PACRG: variants seen among roughly 807,000 people sequenced by gnomAD.
The protein encoded by PACRG is parkin coregulated.
Under a neutral mutation model 29.7 loss-of-function variants are expected in PACRG, and 29 were observed. The observed-to-expected ratio is 0.98, with a 90% CI of 0.73 to 1.33. The LOEUF (loss-of-function observed/expected upper bound fraction) is 1.33, where lower values mean the gene tolerates loss of function less well. Among genes scored for constraint, PACRG ranks in the 40% most tolerant of loss-of-function variants. The probability of loss-of-function intolerance (pLI) is 0.00; values close to 1 mark genes in which losing one functional copy is unlikely to be tolerated. For synonymous variants in PACRG, 116 were observed against 118.7 expected (o/e 0.98, Z 0.15); for missense variants, 279 against 316.2 (o/e 0.88, Z 0.89).
intron 2 of PACRG, among the ~76,000 whole-genome samples, chr6:162,832,151 A>C (rs78865548): frequency 6.6e-6 from 1 of 152,194 alleles, no homozygotes; most frequent in East Asian, 1.9e-4. Flanking sequence ...CTATTTCTCC[A>C]TAGCCTCTCC....
chr6:162,952,928 G>C (rs534758266), intron 2 of PACRG, among the ~76,000 whole-genome samples: 6 of 152,166 alleles, frequency 3.9e-5, no homozygotes, highest in African/African-American at 1.2e-4. Flanking sequence ...AATTTTTCTT[G>C]CTAAATAATT....
intron 2 of PACRG, among the ~76,000 whole-genome samples, chr6:162,928,228 T>C (rs1197752741): frequency 1.3e-5 from 2 of 152,072 alleles, no homozygotes; most frequent in South Asian, 4.1e-4. Context: ...CTAGCTCTTC[T>C]TGGCTCAATT....
At chr6:163,128,748 CA>C (rs1481278750) in intron 4 of PACRG, among the ~76,000 whole-genome samples, 2 of 152,128 alleles carry the variant, frequency 1.3e-5, no homozygotes, top group African/African-American at 4.8e-5. Flanking sequence ...ACAACTCACC[CA>C]AAATTGATAG....
chr6:163,090,052 C>T lies in PACRG; in HGVS notation c.613+644C>T, dbSNP rs186600534. Among the ~76,000 whole-genome samples, 591 of 150,230 alleles carry T rather than the reference C, an allele frequency of 3.9e-3. 4 individuals are homozygous for T. Among genetic ancestry groups the T allele is most frequent in the African/African-American group, 0.014 (545 of 40,152 alleles). On this transcript the variant is annotated intron_variant, in intron 4 of 4. Coordinates refer to ENST00000366888, the MANE Select transcript of PACRG (RefSeq NM_001080379.2). ...TTTTTTGTTGTTAATTTTGAAGTTC[C>T]GTACTTCTCACATGCATGTTATAAG...
chr6:163,009,468 G>T (rs1805419877), intron 2 of PACRG, among the ~76,000 whole-genome samples: 1 of 152,128 alleles, frequency 6.6e-6, no homozygotes, highest in Non-Finnish European at 1.5e-5. Context: ...CATTAACATG[G>T]TTCATTACAC....
chr6:162,863,460 G>A (rs895544578), intron 2 of PACRG, among the ~76,000 whole-genome samples: 2 of 152,182 alleles, frequency 1.3e-5, no homozygotes, highest in Non-Finnish European at 2.9e-5. Flanking sequence ...GTGGGCAAAT[G>A]CATCTATTTT....
In PACRG at chr6:163,315,026, T is replaced by C; in HGVS notation, c.*39T>C. 1 of 1,594,680 alleles carries C rather than the reference T, an allele frequency of 6.3e-7. No homozygotes were observed. On this transcript the variant is annotated 3_prime_UTR_variant, in exon 5 of 5. Coordinates refer to ENST00000366888, the MANE Select transcript of PACRG (RefSeq NM_001080379.2). ...TGGGACTTGAAACCTCCCGTTGGTG[T>C]TGGGATCATCTGTCTCTGTTGCTTT...
intron 3 of PACRG, among the ~76,000 whole-genome samples, chr6:163,086,003 A>T (rs1257591903): frequency 2.0e-5 from 3 of 152,226 alleles, no homozygotes; most frequent in Non-Finnish European, 4.4e-5. Flanking sequence ...TGCTCGGTTT[A>T]ATTCCTGGCA....
intron 2 of PACRG, among the ~76,000 whole-genome samples, chr6:163,037,558 C>G (rs1165409497): frequency 1.3e-5 from 2 of 152,244 alleles, no homozygotes; most frequent in East Asian, 3.9e-4. Context: ...CATCTGCCAT[C>G]CTTTCCCTGG....
intron 3 of PACRG, among the ~76,000 whole-genome samples, chr6:163,070,723 A>T (rs1811961993): frequency 6.6e-6 from 1 of 151,934 alleles, no homozygotes; most frequent in African/African-American, 2.4e-5. Context: ...ATTGAATGTA[A>T]ATGCACAAAA....
At chr6:163,300,284 C>T (rs986704516) in intron 4 of PACRG, among the ~76,000 whole-genome samples, 18 of 152,206 alleles carry the variant, frequency 1.2e-4, no homozygotes, top group Admixed American at 1.2e-3. Context: ...AATTTGGAAG[C>T]CTGGTCCAGG....
At chr6:162,913,976 CT>C (rs1448357194) in intron 2 of PACRG, among the ~76,000 whole-genome samples, 1 of 120,456 alleles carries the variant, frequency 8.3e-6, no homozygotes, top group East Asian at 2.4e-4. Context: ...TATAAACATG[CT>C]TTGTCTATGT....
chr6:162,947,628 A>T (rs1405248318), intron 2 of PACRG, among the ~76,000 whole-genome samples: 4 of 66,864 alleles, frequency 6.0e-5, no homozygotes, highest in Non-Finnish European at 8.5e-5. Context: ...ATATATATAT[A>T]TATATATATA....
chr6:163,075,796 C>T (rs980766653), intron 3 of PACRG, among the ~76,000 whole-genome samples: 7 of 152,186 alleles, frequency 4.6e-5, no homozygotes, highest in African/African-American at 1.7e-4. Flanking sequence ...TCAATAACAA[C>T]CAATCCCAAA....
chr6:162,852,949 C>A (rs568553553), intron 2 of PACRG, among the ~76,000 whole-genome samples: 6 of 152,170 alleles, frequency 3.9e-5, no homozygotes, highest in Admixed American at 2.0e-4. Flanking sequence ...ATTTGCTGCC[C>A]AGCCGTCAAA....
In PACRG at chr6:162,991,863, A is replaced by T. The variant is rs1463087873; in HGVS notation, c.292-70287A>T. Among the ~76,000 whole-genome samples the T allele has an allele frequency of 8.9e-5, 11 of 123,448 alleles. 1 individual carries two copies. Among genetic ancestry groups the T allele is most frequent in the African/African-American group, 4.5e-4 (11 of 24,242 alleles). 81.0% of individuals were successfully genotyped at this position (123,448 alleles called of 152,430 possible). On this transcript the variant is annotated intron_variant, in intron 2 of 4. Coordinates refer to ENST00000366888, the MANE Select transcript of PACRG (RefSeq NM_001080379.2). ...CCAGTTTTTGCCCATTCAGTATGATATTGGCTGTGGGTTTGTCATAGATAG... is the reference window on the plus strand; with the variant it reads ...CCAGTTTTTGCCCATTCAGTATGATTTTGGCTGTGGGTTTGTCATAGATAG...
chr6:162,821,995 A>T (rs1415452645), intron 2 of PACRG, among the ~76,000 whole-genome samples: 1 of 152,290 alleles, frequency 6.6e-6, no homozygotes, highest in South Asian at 2.1e-4. Flanking sequence ...CTTTTAGTCT[A>T]TTGAAGTTTT....
At chr6:163,110,595 A>C (rs1815658375) in intron 4 of PACRG, among the ~76,000 whole-genome samples, 1 of 152,192 alleles carries the variant, frequency 6.6e-6, no homozygotes, top group African/African-American at 2.4e-5. Context: ...CCCAGTGGTC[A>C]CATTGCTGTC....
intron 2 of PACRG, among the ~76,000 whole-genome samples, chr6:162,821,176 G>A (rs1787811513): frequency 6.6e-6 from 1 of 152,160 alleles, no homozygotes; most frequent in Admixed American, 6.5e-5. Flanking sequence ...TATAATTTAT[G>A]TGAGAAATTA....
Sources: allele counts gnomAD v4.1 joint callset (sites outside exome capture counted in the v4.1 genomes callset), GRCh38; gene constraint gnomAD v4.1.1; transcripts MANE v1.5; gene names NCBI Gene and HGNC (gene_info 2026-07-23, HGNC 2026-07-21).